NEDD4L: variants seen among roughly 807,000 people sequenced by gnomAD.
NEDD4L encodes E3 ubiquitin-protein ligase NEDD4-like.
Under a neutral mutation model 148.9 loss-of-function variants are expected in NEDD4L, and 54 were observed. The observed-to-expected ratio is 0.36, with a 90% confidence interval of 0.29 to 0.45. NEDD4L has a LOEUF of 0.45. Among genes scored for constraint, NEDD4L ranks in the 20% least tolerant of loss-of-function variants. NEDD4L has a pLI of 1.00. For missense variants in NEDD4L, 856 were observed against 1,233.8 expected, an observed-to-expected ratio of 0.69 and a Z score of 4.59; for synonymous variants, 433 against 440.7, an observed-to-expected ratio of 0.98 and a Z score of 0.22.
chr18:58,320,090 C>T (rs577772561), intron 6 of NEDD4L, among the ~76,000 whole-genome samples: 34 of 152,308 alleles, frequency 2.2e-4, no homozygotes, highest in Non-Finnish European at 4.3e-4. Flanking sequence ...ATTTAAGCTG[C>T]ATAGGGTATG....
At chr18:58,118,988 C>CT (rs397858611) in intron 1 of NEDD4L, among the ~76,000 whole-genome samples, 31 of 152,146 alleles carry the variant, frequency 2.0e-4, no homozygotes, top group Non-Finnish European at 3.8e-4. Flanking sequence ...TACCCAGGCC[C>CT]GGGGTCATCC....
intron 2 of NEDD4L, among the ~76,000 whole-genome samples, chr18:58,242,317 A>G (rs373475262): frequency 6.6e-6 from 1 of 152,174 alleles, no homozygotes; most frequent in African/African-American, 2.4e-5. Context: ...GGTGCTGGGT[A>G]CTAGTATTAA....
intron 1 of NEDD4L, among the ~76,000 whole-genome samples, chr18:58,121,115 G>A (rs1048448161): frequency 1.3e-5 from 2 of 151,946 alleles, no homozygotes; most frequent in African/African-American, 4.8e-5. Context: ...TTTTTTGGTG[G>A]GGAGAACAGA....
At chr18:58,250,460 A>G (rs890060087) in intron 4 of NEDD4L, among the ~76,000 whole-genome samples, 1 of 152,010 alleles carries the variant, frequency 6.6e-6, no homozygotes, top group African/African-American at 2.4e-5. Flanking sequence ...CATTTTACAA[A>G]TCTTTATTGA....
intron 25 of NEDD4L, among the ~76,000 whole-genome samples, chr18:58,383,629 A>G (rs561178593): frequency 3.9e-5 from 6 of 152,338 alleles, no homozygotes; most frequent in East Asian, 3.9e-4. Flanking sequence ...TAGAATTGCA[A>G]CGGAGAACCA....
At chr18:58,258,898 A>G (rs1470915307) in intron 5 of NEDD4L, among the ~76,000 whole-genome samples, 2 of 152,238 alleles carry the variant, frequency 1.3e-5, no homozygotes, top group Non-Finnish European at 2.9e-5. Flanking sequence ...CTTGAAGGAA[A>G]ACATTCACTT....
At chr18:58,245,567 AG>A in intron 3 of NEDD4L, 59 bp downstream of exon 3, 5 of 891,828 alleles carry the variant, frequency 5.6e-6, no homozygotes, top group Non-Finnish European at 8.9e-6. Flanking sequence ...AATTATGCAC[AG>A]TCATGTGCTG....
chr18:58,357,394 C>G, intron 19 of NEDD4L, 142 bp downstream of exon 19: 1 of 814,402 alleles, frequency 1.2e-6, no homozygotes, highest in South Asian at 1.4e-5. Context: ...TTGCTGCCAT[C>G]TCCTTACTGA....
chr18:58,338,238 G>C (rs553299243), intron 13 of NEDD4L, among the ~76,000 whole-genome samples: 1 of 152,352 alleles, frequency 6.6e-6, no homozygotes, highest in African/African-American at 2.4e-5. Context: ...TTTCTAACTG[G>C]TTTGATTACT....
At chr18:58,282,775 C>A (rs1297012059) in intron 5 of NEDD4L, among the ~76,000 whole-genome samples, 1 of 152,082 alleles carries the variant, frequency 6.6e-6, no homozygotes, top group Non-Finnish European at 1.5e-5. Context: ...AAAGAAAAAC[C>A]TAAGGAAATA....
chr18:58,116,980 A>G (rs1232046788), intron 1 of NEDD4L, among the ~76,000 whole-genome samples: 1 of 152,254 alleles, frequency 6.6e-6, no homozygotes, highest in Non-Finnish European at 1.5e-5. Context: ...CAGGAGGAAT[A>G]TGCTGGACAG....
At chr18:58,084,671 T>TTTTGTGTGTGTG (rs1555686018) in intron 1 of NEDD4L, among the ~76,000 whole-genome samples, 1 of 133,738 alleles carries the variant, frequency 7.5e-6, no homozygotes, top group South Asian at 2.6e-4. Flanking sequence ...TGTGGGGTTT[T>TTTTGTGTGTGTG]TGTGTGTGTG....
At position 58,245,191 on chromosome 18, in the gene NEDD4L, T is replaced by C. The variant is rs150385; in HGVS notation, c.123-236T>C. Among the ~76,000 whole-genome samples the C allele has an allele frequency of 0.29, 43,809 of 152,106 alleles. 6,683 individuals are homozygous for C. The highest frequency in any genetic ancestry group is 0.36 in the Middle Eastern group (106 of 294). On this transcript the variant is annotated intron_variant, in intron 2 of 30. Coordinates refer to ENST00000400345, the MANE Select transcript of NEDD4L (RefSeq NM_001144967.3). ...TTTCTTGTAATCTTTTCAGACTCTG[T>C]CTTTAAAATTATATATATTTTTAGC... is the stretch of plus-strand genomic sequence containing the variant.
At chr18:58,278,350 A>G (rs1363138503) in intron 5 of NEDD4L, among the ~76,000 whole-genome samples, 5 of 152,212 alleles carry the variant, frequency 3.3e-5, no homozygotes, top group Admixed American at 1.3e-4. Flanking sequence ...TCTGGCGTCC[A>G]GGCCCTGCCC....
At chr18:58,169,516 A>G (rs2037301464) in intron 2 of NEDD4L, among the ~76,000 whole-genome samples, 1 of 150,738 alleles carries the variant, frequency 6.6e-6, no homozygotes, top group African/African-American at 2.5e-5. Flanking sequence ...GGGGAAAAAA[A>G]AATGGAATGT....
intron 4 of NEDD4L, among the ~76,000 whole-genome samples, chr18:58,249,964 A>C (rs1028259471): frequency 1.3e-5 from 2 of 152,240 alleles, no homozygotes; most frequent in African/African-American, 4.8e-5. Flanking sequence ...GTTGGCCTTT[A>C]GTTAACTCTG....
rs113387023 is a variant in NEDD4L at position 58,105,765 on chromosome 18, T to C, written c.49-60023T>C. Among the ~76,000 whole-genome samples, 165 of 152,358 alleles carry C rather than the reference T, an allele frequency of 1.1e-3. 2 individuals are homozygous for C. Among genetic ancestry groups the C allele is most frequent in the African/African-American group, 3.8e-3 (158 of 41,576 alleles). On this transcript the variant is annotated intron_variant, in intron 1 of 30. Coordinates refer to ENST00000400345, the MANE Select transcript of NEDD4L (RefSeq NM_001144967.3). ...AAGCCCTCTGACTACATCTTAGTTTTACTCCAGATTTTCTCCATCAATGTT... is the reference window on the plus strand; with the variant it reads ...AAGCCCTCTGACTACATCTTAGTTTCACTCCAGATTTTCTCCATCAATGTT...
intron 30 of NEDD4L, among the ~76,000 whole-genome samples, chr18:58,392,965 GGC>G (rs2050028280): frequency 6.6e-6 from 1 of 152,178 alleles, no homozygotes; most frequent in South Asian, 2.1e-4. Flanking sequence ...TCAGAAGGCT[GGC>G]CCAGGGCTCA....
intron 9 of NEDD4L, among the ~76,000 whole-genome samples, chr18:58,327,753 A>G (rs1327432692): frequency 6.6e-6 from 1 of 152,188 alleles, no homozygotes; most frequent in African/African-American, 2.4e-5. Context: ...TTAGTCTGAA[A>G]TGACGATTTC....
Sources: allele counts gnomAD v4.1 joint callset (sites outside exome capture counted in the v4.1 genomes callset), GRCh38; gene constraint gnomAD v4.1.1; transcripts MANE v1.5; gene names NCBI Gene and HGNC (gene_info 2026-07-23, HGNC 2026-07-21).